Variants in C9orf153 observed in about 807,000 individuals in gnomAD.
The protein encoded by C9orf153 is uncharacterized protein C9orf153.
A neutral mutation model predicts 9.0 loss-of-function variants in C9orf153; 10 were observed. The observed-to-expected ratio is 1.11, with a 90% CI of 0.69 to 1.89. C9orf153 has a LOEUF of 1.89. Ranked by LOEUF, C9orf153 falls within the 40% of genes most tolerant of loss-of-function variation. The probability of loss-of-function intolerance (pLI) is 0.00; values close to 1 mark genes in which losing one functional copy is unlikely to be tolerated. For synonymous variants in C9orf153, 35 were observed against 37.3 expected (o/e 0.94, Z 0.23); for missense variants, 108 against 111.0 (o/e 0.97, Z 0.12).
chr9:86,223,112 A>T (rs1230364968), intron 3 of C9orf153, among the ~76,000 whole-genome samples: 1 of 152,156 alleles, frequency 6.6e-6, no homozygotes, highest in Non-Finnish European at 1.5e-5. Context: ...GTTTGACAAG[A>T]TCTTTGGAGG....
At chr9:86,226,629 C>A (rs1190556041) in intron 3 of C9orf153, among the ~76,000 whole-genome samples, 1 of 152,150 alleles carries the variant, frequency 6.6e-6, no homozygotes, top group African/African-American at 2.4e-5. Flanking sequence ...AGGGTTATCA[C>A]AAATTGATGT....
intron 1 of C9orf153, among the ~76,000 whole-genome samples, chr9:86,241,083 T>C (rs1328494757): frequency 2.0e-5 from 3 of 152,154 alleles, no homozygotes; most frequent in African/African-American, 2.4e-5. Flanking sequence ...GTAACCTATA[T>C]ATTGAGCTTA....
intron 1 of C9orf153, among the ~76,000 whole-genome samples, chr9:86,246,513 C>A (rs748719399): frequency 3.3e-5 from 5 of 152,116 alleles, no homozygotes; most frequent in Non-Finnish European, 5.9e-5. Context: ...CTCGGGGCCG[C>A]AAGCAGCCAA....
chr9:86,258,941 A>T (rs188633287), intron 1 of C9orf153, among the ~76,000 whole-genome samples: 1 of 151,804 alleles, frequency 6.6e-6, no homozygotes, highest in Non-Finnish European at 1.5e-5. Context: ...CACAGTTTAC[A>T]TTACGGTCCA....
At chr9:86,250,626 A>G (rs11141316) in intron 1 of C9orf153, among the ~76,000 whole-genome samples, 44,847 of 152,152 alleles carry the variant, frequency 0.29, 6,749 homozygotes, top group East Asian at 0.36. Context: ...TTGTATTTCA[A>G]TAAGTAAGAC....
intron 2 of C9orf153, 140 bp from the exon 3 acceptor site, chr9:86,228,170 T>G: frequency 1.6e-6 from 1 of 644,414 alleles, no homozygotes; most frequent in Non-Finnish European, 2.5e-6. Flanking sequence ...AAGATATCTT[T>G]GCCTAACTAA....
At chr9:86,235,499 G>A (rs909030371) in intron 1 of C9orf153, among the ~76,000 whole-genome samples, 3 of 152,008 alleles carry the variant, frequency 2.0e-5, no homozygotes, top group Non-Finnish European at 4.4e-5. Flanking sequence ...GCTTATGCCT[G>A]TAATACCAGC....
At chr9:86,232,087 A>G (rs1466395669) in intron 1 of C9orf153, among the ~76,000 whole-genome samples, 1 of 152,232 alleles carries the variant, frequency 6.6e-6, no homozygotes, top group African/African-American at 2.4e-5. Flanking sequence ...TCAATGGCCA[A>G]TCTCCAACTC....
chr9:86,222,491 A>T (rs536626024), intron 3 of C9orf153, among the ~76,000 whole-genome samples: 2 of 152,238 alleles, frequency 1.3e-5, no homozygotes, highest in Admixed American at 1.3e-4. Context: ...CTAAGTATAA[A>T]AGGGCAGTGG....
chr9:86,237,931 A>G (rs560114638), intron 1 of C9orf153, among the ~76,000 whole-genome samples: 1 of 152,202 alleles, frequency 6.6e-6, no homozygotes, highest in Non-Finnish European at 1.5e-5. Context: ...ACGTAAAAAA[A>G]TTAGCCAGGT....
chr9:86,247,594 C>T (rs529457012), intron 1 of C9orf153, among the ~76,000 whole-genome samples: 1 of 152,260 alleles, frequency 6.6e-6, no homozygotes, highest in South Asian at 2.1e-4. Flanking sequence ...GTGGGAGGAT[C>T]CACTGAGCCC....
chr9:86,236,118 C>T (rs1824580616), intron 1 of C9orf153, among the ~76,000 whole-genome samples: 1 of 151,886 alleles, frequency 6.6e-6, no homozygotes, highest in African/African-American at 2.4e-5. Context: ...CTATAAATAG[C>T]AAAGATAAGA....
intron 3 of C9orf153, chr9:86,227,371 T>G (rs762586195): frequency 1.4e-5 from 22 of 1,535,746 alleles, no homozygotes; most frequent in Non-Finnish European, 1.1e-5. Flanking sequence ...TTTCTATGTT[T>G]TCCAGGCTTG....
At chr9:86,255,739 A>G (rs1188521859) in intron 1 of C9orf153, among the ~76,000 whole-genome samples, 1 of 152,174 alleles carries the variant, frequency 6.6e-6, no homozygotes, top group Non-Finnish European at 1.5e-5. Flanking sequence ...GTTCTTTCCT[A>G]TGTGCACATA....
At chr9:86,247,732 C>T (rs1824901063) in intron 1 of C9orf153, among the ~76,000 whole-genome samples, 1 of 152,120 alleles carries the variant, frequency 6.6e-6, no homozygotes, top group African/African-American at 2.4e-5. Flanking sequence ...CCCAAATGTT[C>T]CTTTTCATGT....
chr9:86,258,607 G>C (rs1825178030), intron 1 of C9orf153: 2 of 152,272 alleles, frequency 1.3e-5, no homozygotes, highest in South Asian at 4.1e-4. Context: ...CTGGCCATCA[G>C]TGGGGTGACA....
At chr9:86,229,475 G>A in intron 2 of C9orf153, 63 bp downstream of exon 2, 1 of 1,167,998 alleles carries the variant, frequency 8.6e-7, no homozygotes, top group Non-Finnish European at 1.3e-6. Flanking sequence ...TAGTTTGAAT[G>A]TTTATGATTC....
At chr9:86,239,689 G>A (rs1236736979) in intron 1 of C9orf153, among the ~76,000 whole-genome samples, 3 of 152,208 alleles carry the variant, frequency 2.0e-5, no homozygotes, top group Admixed American at 6.5e-5. Flanking sequence ...AAGTTCTCAA[G>A]TTATATTGTT....
chr9:86,221,579 G>A lies in C9orf153; in HGVS notation c.*109C>T. On this transcript the variant is annotated 3_prime_UTR_variant, in exon 4 of 4. Transcript: ENST00000339137. ...TGACCAAAGACTTGCGAACTATAGG[G>A]GGGAAAATAACGTCAGGCATGTCCT... The A allele has an allele frequency of 7.0e-7, 1 of 1,421,392 alleles. No homozygotes were observed. The highest frequency in any genetic ancestry group is 1.6e-5 in the South Asian group (1 of 61,316). The allele number at this position is 1,421,392 out of a possible 1,614,324, so 88.0% of individuals were successfully genotyped here.
Sources: gnomAD v4.1 joint callset for allele counts (sites outside exome capture counted in the v4.1 genomes callset) on GRCh38, gnomAD v4.1.1 for gene constraint, MANE v1.5 for transcripts, NCBI Gene and HGNC (gene_info 2026-07-23, HGNC 2026-07-21) for gene names.